Variants in ZHX2 observed in about 807,000 individuals in gnomAD.
ZHX2 encodes the protein zinc fingers and homeoboxes 2.
In ZHX2, 6 loss-of-function variants were observed where a neutral mutation model predicts 21.9. The observed-to-expected ratio is 0.27, with a 90% CI of 0.15 to 0.54. ZHX2 has a LOEUF of 0.54. Among genes scored for constraint, ZHX2 ranks in the 20% least tolerant of loss-of-function variants. The probability of loss-of-function intolerance (pLI) is 0.95; values close to 1 mark genes in which losing one functional copy is unlikely to be tolerated. For synonymous variants in ZHX2, 434 were observed against 437.1 expected (o/e 0.99, Z 0.09); for missense variants, 908 against 1,090.7 (o/e 0.83, Z 2.36).
At chr8:122,872,865 G>A (rs1444355851) in intron 2 of ZHX2, among the ~76,000 whole-genome samples, 1 of 152,058 alleles carries the variant, frequency 6.6e-6, no homozygotes, top group Non-Finnish European at 1.5e-5. Context: ...TTTCTTCTGT[G>A]TGGGATTTAC....
chr8:122,961,683 G>T (rs1366446654), intron 3 of ZHX2, among the ~76,000 whole-genome samples: 1 of 152,122 alleles, frequency 6.6e-6, no homozygotes, highest in African/African-American at 2.4e-5. Context: ...AAAACCATCA[G>T]ATCTCATGAG....
intron 2 of ZHX2, among the ~76,000 whole-genome samples, chr8:122,923,034 C>G (rs865963440): frequency 6.6e-6 from 1 of 152,190 alleles, no homozygotes; most frequent in South Asian, 2.1e-4. Flanking sequence ...TGAGACCTTC[C>G]TCAGCATCCT....
chr8:122,835,338 C>G (rs1370896458), intron 1 of ZHX2, among the ~76,000 whole-genome samples: 1 of 152,146 alleles, frequency 6.6e-6, no homozygotes, highest in Non-Finnish European at 1.5e-5. Flanking sequence ...AAGGAAGAAG[C>G]TGGAAGTGGT....
At chr8:122,907,565 A>G (rs1820379255) in intron 2 of ZHX2, among the ~76,000 whole-genome samples, 1 of 152,000 alleles carries the variant, frequency 6.6e-6, no homozygotes, top group African/African-American at 2.4e-5. Flanking sequence ...GGCCCAAAAT[A>G]TTTTCCCTTC....
chr8:122,872,761 G>A (rs991067275), intron 2 of ZHX2, among the ~76,000 whole-genome samples: 12 of 152,224 alleles, frequency 7.9e-5, no homozygotes, highest in African/African-American at 1.9e-4. Flanking sequence ...CGGTTCGTTC[G>A]TGTAATTGAA....
intron 2 of ZHX2, among the ~76,000 whole-genome samples, chr8:122,887,897 C>T (rs1819883813): frequency 1.3e-5 from 2 of 152,076 alleles, no homozygotes; most frequent in Non-Finnish European, 1.5e-5. Context: ...CCGGCCAGGG[C>T]TCATCAGGGG....
At chr8:122,907,889 T>G (rs1315600165) in intron 2 of ZHX2, among the ~76,000 whole-genome samples, 1 of 152,080 alleles carries the variant, frequency 6.6e-6, no homozygotes, top group Non-Finnish European at 1.5e-5. Flanking sequence ...ACAGTAGGGG[T>G]TTTTTTGTTA....
chr8:122,889,893 T>A (rs1314601098), intron 2 of ZHX2, among the ~76,000 whole-genome samples: 1 of 152,164 alleles, frequency 6.6e-6, no homozygotes, highest in Non-Finnish European at 1.5e-5. Context: ...ATGAGAGGAC[T>A]GTATTTCCTC....
rs370080553 is a variant in ZHX2 at position 122,807,579 on chromosome 8, G to A, written c.-283+25633G>A. On this transcript the variant is annotated intron_variant, in intron 1 of 3. Transcript: ENST00000314393. ...GGGATTTGTGGAAAACACGTGTTAT[G>A]CCCTGAGCACTGGGTCAGGAGTGAG... 3.3e-5 allele frequency among the ~76,000 whole-genome samples: 5 copies of A among 152,218 alleles called. No homozygotes were observed. In the East Asian group the frequency reaches 7.7e-4, roughly 23 times the overall value.
intron 2 of ZHX2, among the ~76,000 whole-genome samples, chr8:122,901,785 A>G (rs2129941543): frequency 6.6e-6 from 1 of 152,274 alleles, no homozygotes; most frequent in South Asian, 2.1e-4. Context: ...AGTAGCACTC[A>G]TATCCCAACC....
chr8:122,934,498 G>A (rs896215295), intron 2 of ZHX2, among the ~76,000 whole-genome samples: 19 of 152,174 alleles, frequency 1.2e-4, no homozygotes, highest in Admixed American at 2.0e-4. Context: ...AATGAATAGC[G>A]CAGGTTACCT....
chr8:122,821,580 C>T (rs1818149269), intron 1 of ZHX2, among the ~76,000 whole-genome samples: 2 of 151,424 alleles, frequency 1.3e-5, no homozygotes, highest in African/African-American at 2.4e-5. Context: ...CTTTTGGACA[C>T]TTCTCAAAAG....
chr8:122,861,277 A>G, intron 1 of ZHX2, among the ~76,000 whole-genome samples: 1 of 152,108 alleles, frequency 6.6e-6, no homozygotes, highest in East Asian at 1.9e-4. Context: ...GAAGCAAAAC[A>G]TTAATGTGCT....
chr8:122,860,283 G>A (rs1032706777), intron 1 of ZHX2, among the ~76,000 whole-genome samples: 19 of 152,200 alleles, frequency 1.2e-4, no homozygotes, highest in African/African-American at 4.6e-4. Context: ...CTTGACACAT[G>A]GGGATTGTGG....
chr8:122,960,719 T>G (rs75673412), intron 3 of ZHX2, among the ~76,000 whole-genome samples: 4,268 of 152,222 alleles, frequency 0.028, 80 homozygotes, highest in Non-Finnish European at 0.042. Context: ...TTGCCTGGGT[T>G]CACACTTCAC....
intron 2 of ZHX2, among the ~76,000 whole-genome samples, chr8:122,943,475 C>T (rs2130226580): frequency 6.6e-6 from 1 of 152,286 alleles, no homozygotes; most frequent in East Asian, 1.9e-4. Context: ...AAACTTAGCA[C>T]TTGGCATACA....
chr8:122,961,733 C>G (rs1431320668), intron 3 of ZHX2, among the ~76,000 whole-genome samples: 1 of 152,180 alleles, frequency 6.6e-6, no homozygotes, highest in Non-Finnish European at 1.5e-5. Context: ...GGGGAAACCA[C>G]CCCCATGATT....
chr8:122,878,746 T>C (rs982329945), intron 2 of ZHX2, among the ~76,000 whole-genome samples: 2 of 152,180 alleles, frequency 1.3e-5, no homozygotes, highest in African/African-American at 2.4e-5. Context: ...GCACTGGGAC[T>C]GTTATTACAA....
intron 1 of ZHX2, among the ~76,000 whole-genome samples, chr8:122,811,588 C>T (rs188765888): frequency 9.7e-4 from 147 of 152,280 alleles, no homozygotes; most frequent in African/African-American, 3.4e-3. Context: ...CTGATAGGGG[C>T]AGACAGAACA....
Sources: allele counts gnomAD v4.1 joint callset (sites outside exome capture counted in the v4.1 genomes callset), GRCh38; gene constraint gnomAD v4.1.1; transcripts MANE v1.5; gene names NCBI Gene and HGNC (gene_info 2026-07-23, HGNC 2026-07-21).